Variants in ARHGAP18 observed in about 807,000 individuals in gnomAD.
The protein encoded by ARHGAP18 is rho GTPase-activating protein 18.
ARHGAP18 carries 67 observed loss-of-function variants against 86.2 expected under a neutral mutation model. The ratio of observed to expected loss-of-function variants is 0.78; its 90% CI spans 0.64 to 0.95. The LOEUF (loss-of-function observed/expected upper bound fraction) is 0.95. Among genes scored for constraint, ARHGAP18 ranks in the 40% least tolerant of loss-of-function variants. ARHGAP18 has a pLI of 0.00. For missense variants in ARHGAP18, 691 were observed against 780.4 expected, an observed-to-expected ratio of 0.89 and a Z score of 1.37; for synonymous variants, 283 against 280.4, an observed-to-expected ratio of 1.01 and a Z score of -0.09.
Position 129,578,603 on chromosome 6 carries a change from C to G in ARHGAP18, c.1902G>C (p.Gly634=). ...VFLYEIGGNI[G]ERCLDDDTYM... The stretch of plus-strand genomic sequence containing the variant: ...AAGTGTCATCATCAAGGCAGCGTTC[C>G]CCTGTTAAAATAGATGTTGTGTCAG... The change falls in exon 15 of 15, where the codon GGG becomes GGC. Residue 634 remains glycine (G), a splice_region_variant and synonymous_variant. Transcript: ENST00000368149. 6.8e-6 allele frequency: 11 copies of G among 1,607,550 alleles called. No homozygotes were observed. The highest frequency in any genetic ancestry group is 9.4e-6 in the Non-Finnish European group (11 of 1,176,058).
At chr6:129,589,323 C>G (rs886700061) in intron 12 of ARHGAP18, among the ~76,000 whole-genome samples, 5 of 152,206 alleles carry the variant, frequency 3.3e-5, no homozygotes, top group Non-Finnish European at 7.3e-5. Flanking sequence ...TCATCTCTCT[C>G]AAGTTCAAAG....
chr6:129,647,482 T>G (rs1773604334), intron 1 of ARHGAP18, among the ~76,000 whole-genome samples: 1 of 152,198 alleles, frequency 6.6e-6, no homozygotes, highest in South Asian at 2.1e-4. Flanking sequence ...CTTGAAGACC[T>G]CTGATCCTAG....
At chr6:129,632,766 A>G (rs188989218) in intron 4 of ARHGAP18, among the ~76,000 whole-genome samples, 2 of 152,328 alleles carry the variant, frequency 1.3e-5, no homozygotes, top group East Asian at 3.9e-4. Context: ...CATGCATATT[A>G]TCTTTAAGGC....
At chr6:129,694,825 T>C (rs1774586661) in intron 1 of ARHGAP18, among the ~76,000 whole-genome samples, 1 of 152,184 alleles carries the variant, frequency 6.6e-6, no homozygotes, top group Non-Finnish European at 1.5e-5. Flanking sequence ...AAGTAAAAAA[T>C]GTTTTGCTGA....
intron 1 of ARHGAP18, among the ~76,000 whole-genome samples, chr6:129,690,924 C>A (rs1309652707): frequency 6.6e-6 from 1 of 152,112 alleles, no homozygotes; most frequent in Non-Finnish European, 1.5e-5. Context: ...ATTACTTATT[C>A]AATACAAACT....
At chr6:129,648,274 G>A (rs565632311) in intron 1 of ARHGAP18, among the ~76,000 whole-genome samples, 124 of 151,712 alleles carry the variant, frequency 8.2e-4, no homozygotes, top group African/African-American at 2.8e-3. Flanking sequence ...GGGCTCAAGC[G>A]ATCCTCCCAA....
chr6:129,703,766 A>G (rs1373551477), intron 1 of ARHGAP18, among the ~76,000 whole-genome samples: 1 of 152,246 alleles, frequency 6.6e-6, no homozygotes, highest in Non-Finnish European at 1.5e-5. Context: ...ATGCCTTTAC[A>G]AAGGACTCTT....
intron 7 of ARHGAP18, among the ~76,000 whole-genome samples, chr6:129,613,232 CAA>C (rs71028167): frequency 9.6e-5 from 9 of 94,182 alleles, no homozygotes; most frequent in Non-Finnish European, 4.1e-5. Flanking sequence ...GACTCTGTCT[CAA>C]AAAAAAAAAA....
At chr6:129,705,446 C>G (rs940047530) in intron 1 of ARHGAP18, among the ~76,000 whole-genome samples, 4 of 152,094 alleles carry the variant, frequency 2.6e-5, no homozygotes, top group Non-Finnish European at 5.9e-5. Flanking sequence ...ATCAATACCC[C>G]CCAAGAAAGG....
At chr6:129,664,053 C>T (rs1302070851) in intron 1 of ARHGAP18, among the ~76,000 whole-genome samples, 2 of 152,252 alleles carry the variant, frequency 1.3e-5, no homozygotes, top group East Asian at 1.9e-4. Flanking sequence ...TTTGGCACAG[C>T]CCCCACCAAT....
At chr6:129,646,763 G>C (rs1773588396) in intron 1 of ARHGAP18, among the ~76,000 whole-genome samples, 1 of 152,104 alleles carries the variant, frequency 6.6e-6, no homozygotes, top group East Asian at 1.9e-4. Flanking sequence ...TGTCGTCTCT[G>C]GGAAACTCCA....
At chr6:129,649,476 C>T (rs982626867) in intron 1 of ARHGAP18, among the ~76,000 whole-genome samples, 3 of 150,152 alleles carry the variant, frequency 2.0e-5, no homozygotes, top group Non-Finnish European at 4.4e-5. Context: ...ATTGCTGGAA[C>T]CCGGGAGGCA....
At chr6:129,608,385 C>T (rs1414155647) in intron 8 of ARHGAP18, among the ~76,000 whole-genome samples, 1 of 151,978 alleles carries the variant, frequency 6.6e-6, no homozygotes, top group Non-Finnish European at 1.5e-5. Flanking sequence ...GCTTCATCTA[C>T]ATATTATAAA....
intron 1 of ARHGAP18, among the ~76,000 whole-genome samples, chr6:129,657,310 G>A (rs905571409): frequency 4.0e-5 from 6 of 151,818 alleles, no homozygotes; most frequent in Non-Finnish European, 7.4e-5. Context: ...TAATAAAAGG[G>A]GATAGTAACT....
At chr6:129,617,390 T>C (rs1411616379) in intron 6 of ARHGAP18, among the ~76,000 whole-genome samples, 1 of 152,142 alleles carries the variant, frequency 6.6e-6, no homozygotes, top group Non-Finnish European at 1.5e-5. Flanking sequence ...ACATTGGATA[T>C]TGTGACACTT....
chr6:129,603,414 A>G (rs1005541193), intron 10 of ARHGAP18, among the ~76,000 whole-genome samples: 2 of 152,068 alleles, frequency 1.3e-5, no homozygotes. Context: ...TTATACACTC[A>G]TGAGAACTTC....
chr6:129,622,809 T>C (rs545173498), intron 5 of ARHGAP18, among the ~76,000 whole-genome samples: 1 of 152,148 alleles, frequency 6.6e-6, no homozygotes, highest in East Asian at 1.9e-4. Context: ...GAGACCAGCC[T>C]GACCAACATG....
At chr6:129,619,172 A>G (rs1789159675) in intron 5 of ARHGAP18, among the ~76,000 whole-genome samples, 1 of 128,320 alleles carries the variant, frequency 7.8e-6, no homozygotes, top group Admixed American at 7.9e-5. Context: ...GACCTTCAGA[A>G]AAGGATGGCT....
At chr6:129,707,445 AT>A (rs1020521341) in intron 1 of ARHGAP18, among the ~76,000 whole-genome samples, 8 of 152,026 alleles carry the variant, frequency 5.3e-5, no homozygotes, top group African/African-American at 1.9e-4. Context: ...GAAATGCAGA[AT>A]CTAATTTAGC....
Sources: allele counts gnomAD v4.1 joint callset (sites outside exome capture counted in the v4.1 genomes callset), GRCh38; gene constraint gnomAD v4.1.1; transcripts MANE v1.5; gene names NCBI Gene and HGNC (gene_info 2026-07-23, HGNC 2026-07-21).